TRRAP: variants seen among roughly 807,000 people sequenced by gnomAD.
TRRAP encodes transformation/transcription domain associated protein.
TRRAP carries 41 observed loss-of-function variants against 438.8 expected under a neutral mutation model. The ratio of observed to expected loss-of-function variants is 0.09; its 90% CI spans 0.07 to 0.12. The LOEUF (loss-of-function observed/expected upper bound fraction) is 0.12, where lower values mean the gene tolerates loss of function less well. TRRAP is among the 10% of genes least tolerant of loss of function. The pLI is 1.00. For missense variants in TRRAP, 3,122 were observed against 5,055.1 expected (o/e 0.62, Z 11.60); for synonymous variants, 1,994 against 1,962.9 (o/e 1.02, Z -0.42).
At chr7:98,947,989 C>T (rs1398946323) in intron 33 of TRRAP, among the ~76,000 whole-genome samples, 4 of 152,184 alleles carry the variant, frequency 2.6e-5, no homozygotes, top group Non-Finnish European at 5.9e-5. Flanking sequence ...GTCGGCCCCT[C>T]CACACCCCTA....
In TRRAP at chr7:98,960,398, A is replaced by G. The variant is rs143118305; in HGVS notation, c.6490-863A>G. 5.8e-4 allele frequency among the ~76,000 whole-genome samples: 88 copies of G among 152,290 alleles called. No homozygotes were observed. In the East Asian group the frequency reaches 0.011, roughly 19 times the overall value. On this transcript the variant is annotated intron_variant, in intron 45 of 72. Transcript: ENST00000456197. ...TATTGAGATTATAAAACCTATTGCAAGCACTTGTTATTCTGGACTGCAAAG... is the reference window on the plus strand; with the variant it reads ...TATTGAGATTATAAAACCTATTGCAGGCACTTGTTATTCTGGACTGCAAAG...
At chr7:98,931,271 C>T (rs1790310358) in intron 25 of TRRAP, 134 bp from the exon 26 acceptor site, 7 of 1,323,904 alleles carry the variant, frequency 5.3e-6, no homozygotes, top group African/African-American at 1.5e-5. Context: ...GCCGTGAAGT[C>T]ACCTCATTAA....
chr7:98,881,752 T>A, intron 2 of TRRAP: 1 of 426,746 alleles, frequency 2.3e-6, no homozygotes, highest in Non-Finnish European at 4.2e-6. Context: ...TGTGTGTGTT[T>A]GTGTGTGTGT....
chr7:98,927,079 G>A (rs1042943408), intron 22 of TRRAP, 88 bp from the exon 23 acceptor site: 1 of 1,413,762 alleles, frequency 7.1e-7, no homozygotes, highest in Non-Finnish European at 9.9e-7. Flanking sequence ...AGGGAAGCAA[G>A]CAGATTAAAA....
At chr7:98,921,593 C>T (rs1408708885) in intron 20 of TRRAP, among the ~76,000 whole-genome samples, 160 bp from the exon 21 acceptor site, 2 of 152,164 alleles carry the variant, frequency 1.3e-5, no homozygotes, top group African/African-American at 4.8e-5. Context: ...CCAGGCTGGT[C>T]TTGAACTCCT....
At chr7:98,942,860 C>A (rs1209503812) in intron 30 of TRRAP, 89 bp from the exon 31 acceptor site, 6 of 1,427,114 alleles carry the variant, frequency 4.2e-6, no homozygotes, top group Middle Eastern at 3.5e-4. Context: ...TCACACTAAA[C>A]ACGATGGAAA....
chr7:98,959,974 A>G (rs1791813839), intron 45 of TRRAP, among the ~76,000 whole-genome samples: 1 of 151,980 alleles, frequency 6.6e-6, no homozygotes, highest in African/African-American at 2.4e-5. Flanking sequence ...AAGAAAAGAA[A>G]GAATGGCTTT....
In TRRAP at chr7:98,911,280, C is replaced by G; in HGVS notation, c.2007+9C>G. 1.3e-6 allele frequency: 2 copies of G among 1,594,676 alleles called. No homozygotes were observed. Among genetic ancestry groups the G allele is most frequent in the Non-Finnish European group, 1.7e-6 (2 of 1,170,522 alleles). ...AAAATTATGCTCTTCAGGTATAAAA[C>G]TCCTTTTTTTATGTTGTTTGAACAT... On this transcript the variant is annotated intron_variant, in intron 17 of 72. Coordinates refer to ENST00000456197, the MANE Select transcript of TRRAP (RefSeq NM_001375524.1).
chr7:98,883,307 A>T (rs1554403451), intron 3 of TRRAP, among the ~76,000 whole-genome samples: 1 of 152,006 alleles, frequency 6.6e-6, no homozygotes, highest in Non-Finnish European at 1.5e-5. Flanking sequence ...TTGTGGTTTC[A>T]GTTCTAGAAT....
intron 21 of TRRAP, among the ~76,000 whole-genome samples, chr7:98,923,853 A>C (rs60932686): frequency 0.15 from 22,411 of 152,248 alleles, 5,181 homozygotes; most frequent in African/African-American, 0.49. Flanking sequence ...AATTATTGTT[A>C]AGGTGAATGT....
chr7:99,010,367 C>T (rs751331422), intron 70 of TRRAP, among the ~76,000 whole-genome samples: 7 of 152,212 alleles, frequency 4.6e-5, no homozygotes, highest in East Asian at 1.9e-4. Context: ...TCCCATTTGA[C>T]GGATGAGGAA....
intron 53 of TRRAP, among the ~76,000 whole-genome samples, chr7:98,974,541 C>CA (rs1792563492): frequency 6.6e-6 from 1 of 152,174 alleles, no homozygotes; most frequent in Non-Finnish European, 1.5e-5. Flanking sequence ...CTCTTTGGGA[C>CA]AGTGTGTACA....
intron 39 of TRRAP, among the ~76,000 whole-genome samples, chr7:98,952,901 C>G (rs1373750616): frequency 1.3e-5 from 2 of 152,120 alleles, no homozygotes; most frequent in African/African-American, 4.8e-5. Flanking sequence ...CATGACTCAG[C>G]TTTCAGCTTA....
rs1182472567 is a variant in TRRAP, at chr7:98,927,302, C to T, written c.3111C>T (p.Ser1037=). Residue 1037 remains serine (S), a synonymous_variant, in exon 23 of 73, where the codon AGC becomes AGT. Coordinates refer to ENST00000456197, the MANE Select transcript of TRRAP (RefSeq NM_001375524.1). Reference sequence around the variant, plus strand: ...CTGTCATTAAGGACCTGCGGCCCAGCGCCCTGCCCTTTGTCGCCAGCTTGA... The same window carrying T: ...CTGTCATTAAGGACCTGCGGCCCAGTGCCCTGCCCTTTGTCGCCAGCTTGA... ...MSAVIKDLRP[S]ALPFVASLIR... is the part of the protein sequence containing the mutation. 6.8e-6 allele frequency: 11 copies of T among 1,614,108 alleles called. No individual in the cohort carries two copies. Among genetic ancestry groups the T allele is most frequent in the Middle Eastern group, 1.6e-4 (1 of 6,084 alleles).
chr7:98,885,196 G>A (rs1481334935), intron 3 of TRRAP, among the ~76,000 whole-genome samples: 1 of 151,876 alleles, frequency 6.6e-6, no homozygotes, highest in African/African-American at 2.4e-5. Context: ...GAACTCCTGG[G>A]CTCAAGTGGT....
intron 60 of TRRAP, 128 bp from the exon 61 acceptor site, chr7:98,983,965 G>T (rs1004741455): frequency 1.1e-5 from 14 of 1,223,966 alleles, no homozygotes; most frequent in East Asian, 2.6e-5. Context: ...AGTAACGAGG[G>T]TTTATCACAG....
chr7:99,001,625 G>A (rs1014545815), intron 67 of TRRAP, among the ~76,000 whole-genome samples: 11 of 152,164 alleles, frequency 7.2e-5, no homozygotes, highest in Non-Finnish European at 1.3e-4. Flanking sequence ...TCTCAGACAC[G>A]CACAGCCAGA....
chr7:98,931,314 A>C (rs1051041926), intron 25 of TRRAP, 91 bp from the exon 26 acceptor site: 140 of 1,539,628 alleles, frequency 9.1e-5, no homozygotes, highest in Non-Finnish European at 1.2e-4. Context: ...GACCCCAGTG[A>C]CAGTCTTTAT....
At chr7:98,955,394 G>A in intron 41 of TRRAP, 90 bp downstream of exon 41, 2 of 1,354,636 alleles carry the variant, frequency 1.5e-6, no homozygotes, top group Non-Finnish European at 2.0e-6. Flanking sequence ...ATAATCAGGT[G>A]GTCGTTCATC....
Sources: allele counts gnomAD v4.1 joint callset (sites outside exome capture counted in the v4.1 genomes callset), GRCh38; gene constraint gnomAD v4.1.1; transcripts MANE v1.5; gene names NCBI Gene and HGNC (gene_info 2026-07-23, HGNC 2026-07-21).